Variants in CAMK1D observed in about 807,000 individuals in gnomAD.
CAMK1D encodes calcium/calmodulin dependent protein kinase ID, also known as calcium/calmodulin-dependent protein kinase type 1D.
In CAMK1D, 9 loss-of-function variants were observed where a neutral mutation model predicts 47.7. That is an observed-to-expected ratio of 0.19 (90% CI 0.11 to 0.33). The LOEUF (loss-of-function observed/expected upper bound fraction) is 0.33. Ranked by LOEUF, CAMK1D falls within the 10% of genes least tolerant of loss-of-function variation. The probability of loss-of-function intolerance (pLI) is 1.00; values close to 1 mark genes in which losing one functional copy is unlikely to be tolerated. For synonymous variants in CAMK1D, 184 were observed against 184.9 expected, an observed-to-expected ratio of 0.99 and a Z score of 0.04; for missense variants, 291 against 488.7, an observed-to-expected ratio of 0.60 and a Z score of 3.81.
intron 2 of CAMK1D, among the ~76,000 whole-genome samples, chr10:12,655,957 A>G (rs1374046941): frequency 2.0e-5 from 3 of 152,234 alleles, no homozygotes; most frequent in Non-Finnish European, 4.4e-5. Context: ...ATATGGACTT[A>G]GAGTCAAAGT....
chr10:12,353,515 G>A (rs1484079542), intron 1 of CAMK1D, among the ~76,000 whole-genome samples: 1 of 152,150 alleles, frequency 6.6e-6, no homozygotes, highest in Non-Finnish European at 1.5e-5. Context: ...TATGGTTAGA[G>A]GGACCTTGCT....
Position 12,834,537 on chromosome 10 carries a change from A to C in CAMK1D, c.*5650A>C, listed in dbSNP as rs1339566519. ...CTTCTCGGTGTCTGTATAAAGGGAC[A>C]AACGGTTGCATTCACCCTTTGTACT... On this transcript the variant is annotated 3_prime_UTR_variant, in exon 11 of 11. Transcript: ENST00000619168. 6.6e-6 allele frequency: 1 copy of C among 151,956 alleles called. No individual in the cohort carries two copies. Among genetic ancestry groups the C allele is most frequent in the Non-Finnish European group, 1.5e-5 (1 of 67,988 alleles). 9.4% of individuals were successfully genotyped at this position (151,956 alleles called of 1,614,324 possible).
intron 9 of CAMK1D, among the ~76,000 whole-genome samples, chr10:12,824,922 G>A (rs940424544): frequency 6.6e-6 from 1 of 152,126 alleles, no homozygotes; most frequent in Non-Finnish European, 1.5e-5. Context: ...ATAAAAGTTT[G>A]ACAGATTTAA....
chr10:12,524,728 T>G (rs1835563813), intron 1 of CAMK1D, among the ~76,000 whole-genome samples: 1 of 152,132 alleles, frequency 6.6e-6, no homozygotes, highest in African/African-American at 2.4e-5. Flanking sequence ...ATCATTTTAA[T>G]TTTTGCTTTC....
intron 3 of CAMK1D, among the ~76,000 whole-genome samples, chr10:12,743,124 C>A (rs535542734): frequency 6.6e-6 from 1 of 152,118 alleles, no homozygotes; most frequent in African/African-American, 2.4e-5. Context: ...AGGCAGATTG[C>A]TTGAGGTCAG....
At chr10:12,385,328 C>T (rs748275044) in intron 1 of CAMK1D, among the ~76,000 whole-genome samples, 4 of 152,070 alleles carry the variant, frequency 2.6e-5, no homozygotes, top group Non-Finnish European at 4.4e-5. Flanking sequence ...TTGATGTAGC[C>T]AAAGAGCAGA....
At chr10:12,361,322 C>G (rs968459690) in intron 1 of CAMK1D, among the ~76,000 whole-genome samples, 5 of 147,180 alleles carry the variant, frequency 3.4e-5, no homozygotes, top group African/African-American at 1.2e-4. Flanking sequence ...TCTTGGCTCA[C>G]TGCAATCTCT....
chr10:12,624,096 A>G (rs1839130843), intron 2 of CAMK1D, among the ~76,000 whole-genome samples: 2 of 152,174 alleles, frequency 1.3e-5, no homozygotes, highest in African/African-American at 4.8e-5. Flanking sequence ...AAAACAAAAC[A>G]AAAAACTGCA....
At chr10:12,800,571 C>A (rs922168824) in intron 6 of CAMK1D, among the ~76,000 whole-genome samples, 2 of 152,336 alleles carry the variant, frequency 1.3e-5, no homozygotes, top group South Asian at 2.1e-4. Context: ...TCGTGTTTTT[C>A]AGACCCCCAT....
At chr10:12,415,345 G>C (rs1839806413) in intron 1 of CAMK1D, among the ~76,000 whole-genome samples, 1 of 151,720 alleles carries the variant, frequency 6.6e-6, no homozygotes, top group Admixed American at 6.6e-5. Flanking sequence ...CTGGAGTGCA[G>C]TAGCACGATC....
At position 12,714,761 on chromosome 10, in the gene CAMK1D, T is replaced by TACACACACACACAC. The variant is rs55827922; in HGVS notation, c.300-46155_300-46142dup. Among the ~76,000 whole-genome samples the TACACACACACACAC allele has an allele frequency of 6.0e-3, 779 of 130,546 alleles. 5 individuals carry two copies. Among genetic ancestry groups the TACACACACACACAC allele is most frequent in the South Asian group, 9.3e-3 (33 of 3,534 alleles). The allele number at this position is 130,546 out of a possible 152,430, so 85.6% of individuals were successfully genotyped here. A position where few individuals can be genotyped will look rare whatever the true frequency, so the allele number is the denominator to read the frequency against. ...ATAAATAAAAATAGGTACATTAAAT[T>TACACACACACACAC]ACACACACACACACACACACACACA... On this transcript the variant is annotated intron_variant, in intron 3 of 10. Coordinates refer to ENST00000619168, the MANE Select transcript of CAMK1D (RefSeq NM_153498.4).
At chr10:12,432,667 G>A (rs925145361) in intron 1 of CAMK1D, among the ~76,000 whole-genome samples, 5 of 152,236 alleles carry the variant, frequency 3.3e-5, no homozygotes, top group African/African-American at 1.2e-4. Context: ...TGAGTGAGTT[G>A]AATAAATGAA....
intron 2 of CAMK1D, among the ~76,000 whole-genome samples, chr10:12,564,311 C>T (rs531479008): frequency 2.2e-4 from 33 of 152,002 alleles, no homozygotes; most frequent in African/African-American, 7.2e-4. Flanking sequence ...ACCAAAGATT[C>T]AATTTTTTTT....
At chr10:12,770,249 C>G (rs1429058519) in intron 5 of CAMK1D, among the ~76,000 whole-genome samples, 1 of 152,336 alleles carries the variant, frequency 6.6e-6, no homozygotes, top group African/African-American at 2.4e-5. Context: ...CCAAGTCACT[C>G]TCATCAATCA....
At chr10:12,642,680 CT>C (rs922760666) in intron 2 of CAMK1D, among the ~76,000 whole-genome samples, 7 of 151,998 alleles carry the variant, frequency 4.6e-5, no homozygotes, top group African/African-American at 1.4e-4. Flanking sequence ...ATACTGATTT[CT>C]TTTTTTTCAC....
chr10:12,387,406 ATTATATATATT>A (rs1838547565), intron 1 of CAMK1D, among the ~76,000 whole-genome samples: 1 of 63,314 alleles, frequency 1.6e-5, no homozygotes, highest in African/African-American at 4.5e-5. Flanking sequence ...ATTTTTATAT[ATTATATATATT>A]TTATATATTT....
At chr10:12,365,167 G>T (rs576331665) in intron 1 of CAMK1D, among the ~76,000 whole-genome samples, 16 of 151,954 alleles carry the variant, frequency 1.1e-4, no homozygotes, top group South Asian at 6.2e-4. Flanking sequence ...TGTTGGCCGG[G>T]CTGGTCTTGA....
At chr10:12,819,238 A>G (rs187138968) in intron 8 of CAMK1D, among the ~76,000 whole-genome samples, 2 of 152,206 alleles carry the variant, frequency 1.3e-5, no homozygotes, top group African/African-American at 4.8e-5. Flanking sequence ...ACACCATGAG[A>G]AGGCTTGCCC....
At position 12,816,313 on chromosome 10, in the gene CAMK1D, C is replaced by G; in HGVS notation, c.818C>G (p.Ala273Gly). The G allele has an allele frequency of 6.2e-7, 1 of 1,613,376 alleles. No individual in the cohort carries two copies. Among genetic ancestry groups the G allele is most frequent in the Non-Finnish European group, 8.5e-7 (1 of 1,179,588 alleles). Residue 273 changes from alanine to glycine, a missense_variant, in exon 8 of 11, where the codon GCA becomes GGA. By Grantham distance (60) the Ala-to-Gly change is moderately conservative. This residue lies in a region of CAMK1D where 219 missense variants were observed against 424.3 expected (regional missense o/e 0.52). Transcript: ENST00000619168. ...AATAAAAGATACACGTGTGAGCAGGCAGCTCGGCACCCATGGTAAGGAAAT... is the reference window on the plus strand; with the variant it reads ...AATAAAAGATACACGTGTGAGCAGGGAGCTCGGCACCCATGGTAAGGAAAT... The part of the protein sequence containing the change: ...DPNKRYTCEQ[A>G]ARHPWIAGDT...
Sources: gnomAD v4.1 joint callset for allele counts (sites outside exome capture counted in the v4.1 genomes callset) on GRCh38, gnomAD v4.1.1 for gene constraint, gnomAD v4.1.1 regional missense constraint, MANE v1.5 for transcripts, NCBI Gene and HGNC (gene_info 2026-07-23, HGNC 2026-07-21) for gene names.